PGR: variants seen among roughly 807,000 people sequenced by gnomAD.
PGR encodes the protein nuclear receptor subfamily 3 group C member 3.
A neutral mutation model predicts 76.1 loss-of-function variants in PGR; 25 were observed. That is an observed-to-expected ratio of 0.33 (90% confidence interval 0.24 to 0.46). The LOEUF (loss-of-function observed/expected upper bound fraction) is 0.46, where lower values mean the gene tolerates loss of function less well. PGR is among the 20% of genes least tolerant of loss of function. PGR has a pLI of 1.00. For missense variants in PGR, 1,172 were observed against 1,225.3 expected, an observed-to-expected ratio of 0.96 and a Z score of 0.65; for synonymous variants, 579 against 535.0, an observed-to-expected ratio of 1.08 and a Z score of -1.14.
chr11:101,093,820 A>G (rs1861754146), intron 2 of PGR, among the ~76,000 whole-genome samples: 1 of 152,214 alleles, frequency 6.6e-6, no homozygotes, highest in African/African-American at 2.4e-5. Flanking sequence ...AATTGTTTGA[A>G]GAGAGGCTGT....
intron 3 of PGR, among the ~76,000 whole-genome samples, chr11:101,078,285 G>GA (rs972455153): frequency 1.3e-5 from 2 of 151,130 alleles, no homozygotes; most frequent in Middle Eastern, 3.2e-3. Context: ...GAAAATAATA[G>GA]AAAAAAAGAA....
rs1489733817 is a variant in PGR at position 101,038,464 on chromosome 11, A to T, written c.*652T>A. 4.4e-6 allele frequency: 1 copy of T among 226,036 alleles called. No homozygotes were observed. The highest frequency in any genetic ancestry group is 8.8e-6 in the Non-Finnish European group (1 of 113,662). 14.0% of individuals were successfully genotyped at this position (226,036 alleles called of 1,614,324 possible). On this transcript the variant is annotated 3_prime_UTR_variant, in exon 8 of 8. Transcript: ENST00000325455. ...CCCACAATACTATTTGCATAATGAT[A>T]TGAATCTACTTATTAACTTCCTAAG... is the stretch of plus-strand genomic sequence containing the variant.
In PGR at chr11:101,113,427, A is replaced by ATTTT. The variant is rs386374672; in HGVS notation, c.1789+12576_1789+12579dup. 2.9e-4 allele frequency among the ~76,000 whole-genome samples: 42 copies of ATTTT among 147,286 alleles called. 1 individual carries two copies. Among genetic ancestry groups the ATTTT allele is most frequent in the South Asian group, 1.7e-3 (8 of 4,592 alleles). ...CAGGCACCCACCACCATGCCTGGCT[A>ATTTT]TTTTTTTTTTTTGTATTTTTAGTAG... is the stretch of plus-strand genomic sequence containing the variant. On this transcript the variant is annotated intron_variant, in intron 2 of 7. Coordinates refer to ENST00000325455, the MANE Select transcript of PGR (RefSeq NM_000926.4).
chr11:101,124,408 G>A (rs142936731), intron 2 of PGR, among the ~76,000 whole-genome samples: 2 of 152,198 alleles, frequency 1.3e-5, no homozygotes, highest in African/African-American at 4.8e-5. Context: ...TGATTTACAA[G>A]CGCTGCAATG....
intron 3 of PGR, among the ~76,000 whole-genome samples, chr11:101,073,875 G>C (rs939587697): frequency 6.6e-6 from 1 of 152,150 alleles, no homozygotes; most frequent in Non-Finnish European, 1.5e-5. Context: ...GGACCAGACA[G>C]ATTCATAGCT....
intron 2 of PGR, among the ~76,000 whole-genome samples, chr11:101,124,257 T>G (rs564011901): frequency 4.6e-4 from 70 of 152,342 alleles, no homozygotes; most frequent in Non-Finnish European, 7.4e-4. Flanking sequence ...AGACTTCGTC[T>G]ACAGTTTTGG....
At chr11:101,119,733 A>T (rs73573637) in intron 2 of PGR, among the ~76,000 whole-genome samples, 3,096 of 152,336 alleles carry the variant, frequency 0.02, 84 homozygotes, top group African/African-American at 0.058. Flanking sequence ...AAGGAACTTG[A>T]CTGAGTTAAG....
intron 2 of PGR, among the ~76,000 whole-genome samples, chr11:101,109,607 A>T (rs1862280861): frequency 6.6e-6 from 1 of 152,192 alleles, no homozygotes. Context: ...TTGAAAACAG[A>T]AGCTGGATTA....
intron 2 of PGR, among the ~76,000 whole-genome samples, chr11:101,109,606 G>A (rs1862280781): frequency 6.6e-6 from 1 of 152,172 alleles, no homozygotes; most frequent in Non-Finnish European, 1.5e-5. Flanking sequence ...TTTGAAAACA[G>A]AAGCTGGATT....
At chr11:101,107,206 T>C (rs552517604) in intron 2 of PGR, among the ~76,000 whole-genome samples, 11 of 152,256 alleles carry the variant, frequency 7.2e-5, no homozygotes, top group Non-Finnish European at 1.2e-4. Context: ...GAACTTAAAG[T>C]ATAAGTAAAA....
intron 2 of PGR, among the ~76,000 whole-genome samples, chr11:101,102,535 A>C (rs1248859117): frequency 6.6e-6 from 1 of 152,196 alleles, no homozygotes; most frequent in Non-Finnish European, 1.5e-5. Context: ...TGGTCATGTA[A>C]AGTGGAATGA....
intron 2 of PGR, among the ~76,000 whole-genome samples, chr11:101,108,732 G>GA (rs1458824348): frequency 2.6e-5 from 4 of 152,152 alleles, no homozygotes; most frequent in Non-Finnish European, 5.9e-5. Flanking sequence ...TCTTATATCT[G>GA]AAAAAAGGAG....
chr11:101,113,900 T>C (rs1862420797), intron 2 of PGR, among the ~76,000 whole-genome samples: 1 of 152,108 alleles, frequency 6.6e-6, no homozygotes, highest in African/African-American at 2.4e-5. Flanking sequence ...AATTCCCTAA[T>C]TTCTATTAAA....
rs571039540 is a variant in PGR at position 101,110,638 on chromosome 11, G to C, written c.1789+15369C>G. Among the ~76,000 whole-genome samples, 14 of 152,276 alleles carry C rather than the reference G, an allele frequency of 9.2e-5. No individual in the cohort carries two copies. The South Asian group carries it at 2.9e-3, about 32-fold the overall frequency. On this transcript the variant is annotated intron_variant, in intron 2 of 7. Coordinates refer to ENST00000325455, the MANE Select transcript of PGR (RefSeq NM_000926.4). ...GTTGAAATGACAACAAAAGATTTAG[G>C]ATTTAGGATATTATATAAACTTAGG... is the stretch of plus-strand genomic sequence containing the variant.
rs966457631 is a variant in PGR, at chr11:101,030,607, T to G, written c.*8509A>C. 4.5e-6 allele frequency: 1 copy of G among 219,858 alleles called. No homozygotes were observed. Among genetic ancestry groups the G allele is most frequent in the Non-Finnish European group, 9.1e-6 (1 of 109,796 alleles). The allele number at this position is 219,858 out of a possible 1,614,324, so 13.6% of individuals were successfully genotyped here. ...TCCTGGTCAGTTGGAGGCAGGCATA[T>G]TGCTCTGAGGAGAATTGGAATTGTT... On this transcript the variant is annotated 3_prime_UTR_variant, in exon 8 of 8. Coordinates refer to ENST00000325455, the MANE Select transcript of PGR (RefSeq NM_000926.4).
Position 101,035,924 on chromosome 11 carries a change from C to T in PGR, c.*3192G>A, listed in dbSNP as rs1180148556. ...AGCCAGAACTATGGCTTAATGAAAACAAAATAGTAGCAATTACTATTTCTG... is the reference window on the plus strand; with the variant it reads ...AGCCAGAACTATGGCTTAATGAAAATAAAATAGTAGCAATTACTATTTCTG... On this transcript the variant is annotated 3_prime_UTR_variant, in exon 8 of 8. Coordinates refer to ENST00000325455, the MANE Select transcript of PGR (RefSeq NM_000926.4). 4.4e-6 allele frequency: 1 copy of T among 228,300 alleles called. No individual in the cohort carries two copies. The highest frequency in any genetic ancestry group is 8.7e-6 in the Non-Finnish European group (1 of 115,016). 14.1% of individuals were successfully genotyped at this position (228,300 alleles called of 1,614,324 possible).
chr11:101,080,894 C>G (rs776143599), intron 3 of PGR, among the ~76,000 whole-genome samples: 44 of 152,090 alleles, frequency 2.9e-4, no homozygotes, highest in Non-Finnish European at 3.4e-4. Flanking sequence ...AGCTTGAAGG[C>G]TGGTCTTGTG....
chr11:101,070,258 AG>A (rs1461576387), intron 3 of PGR, among the ~76,000 whole-genome samples: 1 of 152,178 alleles, frequency 6.6e-6, no homozygotes, highest in African/African-American at 2.4e-5. Flanking sequence ...GGAAGCCGTG[AG>A]TGACTGTGCT....
rs1863021803 is a variant in PGR, at chr11:101,129,199, A to G, written c.-129T>C. On this transcript the variant is annotated 5_prime_UTR_variant, in exon 1 of 8. Coordinates refer to ENST00000325455, the MANE Select transcript of PGR (RefSeq NM_000926.4). ...TGTTGAATGTGGCTGGACCGGAGGG[A>G]TCTCCACCTCCTGGGTCGGGGGCGG... 1.4e-5 allele frequency: 2 copies of G among 140,582 alleles called. No homozygotes were observed. The highest frequency in any genetic ancestry group is 2.6e-5 in the Non-Finnish European group (2 of 76,352). 8.7% of individuals were successfully genotyped at this position (140,582 alleles called of 1,614,324 possible).
Sources: gnomAD v4.1 joint callset for allele counts (sites outside exome capture counted in the v4.1 genomes callset) on GRCh38, gnomAD v4.1.1 for gene constraint, MANE v1.5 for transcripts, NCBI Gene and HGNC (gene_info 2026-07-23, HGNC 2026-07-21) for gene names.